GLIPR1L2: variants seen among roughly 807,000 people sequenced by gnomAD.
The protein encoded by GLIPR1L2 is GLIPR1 like 2, also known as GLIPR1-like protein 2.
In GLIPR1L2, 21 loss-of-function variants were observed where a neutral mutation model predicts 28.4. The ratio of observed to expected loss-of-function variants is 0.74; its 90% CI spans 0.52 to 1.06. The LOEUF (loss-of-function observed/expected upper bound fraction) is 1.06, where lower values mean the gene tolerates loss of function less well. GLIPR1L2 is among the 50% of genes least tolerant of loss of function. The pLI, the probability that GLIPR1L2 is intolerant of heterozygous loss-of-function variation, is 0.00. For missense variants in GLIPR1L2, 476 were observed against 416.9 expected (o/e 1.14, Z -1.23); for synonymous variants, 145 against 139.3 (o/e 1.04, Z -0.29).
chr12:75,407,973 T>C (rs866366865), intron 1 of GLIPR1L2, among the ~76,000 whole-genome samples: 1 of 152,006 alleles, frequency 6.6e-6, no homozygotes, highest in African/African-American at 2.4e-5. Flanking sequence ...CTAAGCCCAA[T>C]TAATGAGAAA....
intron 1 of GLIPR1L2, among the ~76,000 whole-genome samples, chr12:75,409,847 TAA>T (rs1474565141): frequency 8.1e-5 from 12 of 148,156 alleles, no homozygotes; most frequent in African/African-American, 2.7e-4. Flanking sequence ...GATATATATA[TAA>T]GATGTATATC....
intron 1 of GLIPR1L2, among the ~76,000 whole-genome samples, chr12:75,392,233 TA>T (rs2045625362): frequency 6.6e-6 from 1 of 152,354 alleles, no homozygotes; most frequent in African/African-American, 2.4e-5. Context: ...AAGGGTATGA[TA>T]TTTTTTATTA....
chr12:75,413,228 G>C (rs2045888618), intron 2 of GLIPR1L2, among the ~76,000 whole-genome samples: 1 of 151,606 alleles, frequency 6.6e-6, no homozygotes, highest in Admixed American at 6.6e-5. Context: ...ATAGCATTAG[G>C]AGATATACCT....
In GLIPR1L2 at chr12:75,391,347, C is replaced by G. The variant is rs771490137; in HGVS notation, c.231C>G (p.Phe77Leu). The change falls in exon 1 of 6, where the codon TTC becomes TTG. Residue 77 changes from phenylalanine to leucine, a missense_variant. Coordinates refer to ENST00000550916, the MANE Select transcript of GLIPR1L2 (RefSeq NM_001270396.2). ...DVIPRGSNLR[F>L]MTWDVALSRT... ...TTCCCCGAGGGTCTAACTTGCGCTT[C>G]ATGGTGAGGCCGGAAGGCGGTTTGC... is the stretch of plus-strand genomic sequence containing the variant. The G allele has an allele frequency of 6.2e-7, 1 of 1,613,608 alleles. No homozygotes were observed. Among genetic ancestry groups the G allele is most frequent in the South Asian group, 1.1e-5 (1 of 91,062 alleles).
chr12:75,397,888 A>G (rs2045697059), intron 1 of GLIPR1L2, among the ~76,000 whole-genome samples: 2 of 152,132 alleles, frequency 1.3e-5, no homozygotes, highest in South Asian at 2.1e-4. Flanking sequence ...TCTTCTTCCT[A>G]TATTGTTGGC....
At chr12:75,415,157 G>A (rs2045911516) in intron 3 of GLIPR1L2, among the ~76,000 whole-genome samples, 1 of 152,058 alleles carries the variant, frequency 6.6e-6, no homozygotes, top group Non-Finnish European at 1.5e-5. Flanking sequence ...AGATGTAGGA[G>A]TTGAGGTGGA....
intron 4 of GLIPR1L2, 115 bp from the exon 5 acceptor site, chr12:75,430,600 C>T (rs2046081140): frequency 4.1e-6 from 4 of 970,800 alleles, no homozygotes; most frequent in South Asian, 3.3e-5. Flanking sequence ...GGGAGGACAT[C>T]AAAGATAATG....
chr12:75,427,574 C>T (rs1409268221), intron 4 of GLIPR1L2, among the ~76,000 whole-genome samples: 1 of 152,144 alleles, frequency 6.6e-6, no homozygotes, highest in Non-Finnish European at 1.5e-5. Flanking sequence ...TACGTGAGAA[C>T]TCATTTATCC....
At chr12:75,403,165 C>T (rs1393048998) in intron 1 of GLIPR1L2, 1 of 456,514 alleles carries the variant, frequency 2.2e-6, no homozygotes, top group Non-Finnish European at 4.4e-6. Flanking sequence ...GACTCCTGAG[C>T]CAGTGCTCCA....
chr12:75,391,465 T>C (rs1223368521), intron 1 of GLIPR1L2, 115 bp downstream of exon 1: 1 of 1,569,062 alleles, frequency 6.4e-7, no homozygotes, highest in Non-Finnish European at 8.6e-7. Context: ...AGAACCGCAC[T>C]TTTAGCTTGG....
intron 3 of GLIPR1L2, among the ~76,000 whole-genome samples, chr12:75,420,139 G>A (rs1335361800): frequency 1.3e-5 from 2 of 152,158 alleles, no homozygotes; most frequent in Non-Finnish European, 2.9e-5. Context: ...TGGAAAAATC[G>A]ACATCTGTTT....
chr12:75,418,922 C>A (rs2045950619), intron 3 of GLIPR1L2, among the ~76,000 whole-genome samples: 1 of 151,798 alleles, frequency 6.6e-6, no homozygotes, highest in South Asian at 2.1e-4. Flanking sequence ...AACAGAAAAC[C>A]AAACACCACA....
chr12:75,426,208 G>A (rs781332815), intron 4 of GLIPR1L2, among the ~76,000 whole-genome samples: 2 of 152,114 alleles, frequency 1.3e-5, no homozygotes, highest in South Asian at 2.1e-4. Context: ...GTAAATTACT[G>A]GACTTCAGTG....
At chr12:75,422,269 C>T (rs1271109828) in intron 3 of GLIPR1L2, among the ~76,000 whole-genome samples, 3 of 149,580 alleles carry the variant, frequency 2.0e-5, no homozygotes, top group African/African-American at 7.4e-5. Context: ...ACCAGCATTA[C>T]AGGTGGGGAA....
chr12:75,408,708 A>G (rs1032108734), intron 1 of GLIPR1L2, among the ~76,000 whole-genome samples: 3 of 152,026 alleles, frequency 2.0e-5, no homozygotes, highest in Non-Finnish European at 4.4e-5. Context: ...AAATCTAGTT[A>G]TGTTAATATG....
intron 1 of GLIPR1L2, chr12:75,402,957 G>A (rs1167265369): frequency 2.2e-5 from 10 of 456,206 alleles, no homozygotes; most frequent in African/African-American, 2.0e-4. Flanking sequence ...TACCACAATA[G>A]CCCTAAATAA....
At chr12:75,396,199 C>T (rs530300384) in intron 1 of GLIPR1L2, among the ~76,000 whole-genome samples, 23 of 152,236 alleles carry the variant, frequency 1.5e-4, no homozygotes, top group African/African-American at 5.3e-4. Context: ...GGATCTCACT[C>T]TCTTGCCCAG....
chr12:75,409,893 T>G (rs1269363689), intron 1 of GLIPR1L2, among the ~76,000 whole-genome samples: 1 of 149,000 alleles, frequency 6.7e-6, no homozygotes, highest in Non-Finnish European at 1.5e-5. Flanking sequence ...TCTAATCCAA[T>G]ATATATAAGA....
At chr12:75,406,494 T>C (rs12369849) in intron 1 of GLIPR1L2, among the ~76,000 whole-genome samples, 76,149 of 151,836 alleles carry the variant, frequency 0.5, 19,468 homozygotes, top group East Asian at 0.58. Context: ...TGGTGGCTCA[T>C]ACCTGTAATC....
Sources: gnomAD v4.1 joint callset for allele counts (sites outside exome capture counted in the v4.1 genomes callset) on GRCh38, gnomAD v4.1.1 for gene constraint, MANE v1.5 for transcripts, NCBI Gene and HGNC (gene_info 2026-07-23, HGNC 2026-07-21) for gene names.